Variants in NDUFS4 observed in about 807,000 individuals in gnomAD.
The protein encoded by NDUFS4 is NADH:ubiquinone oxidoreductase subunit S4, also known as NADH dehydrogenase [ubiquinone] iron-sulfur protein 4, mitochondrial.
A neutral mutation model predicts 24.3 loss-of-function variants in NDUFS4; 28 were observed. The ratio of observed to expected loss-of-function variants is 1.15; its 90% CI spans 0.85 to 1.58. NDUFS4 has a LOEUF of 1.58. NDUFS4 is among the 40% of genes most tolerant of loss of function. The probability of loss-of-function intolerance (pLI) is 0.00; values close to 1 mark genes in which losing one functional copy is unlikely to be tolerated. For missense variants in NDUFS4, 223 were observed against 207.9 expected, an observed-to-expected ratio of 1.07 and a Z score of -0.45; for synonymous variants, 93 against 69.7, an observed-to-expected ratio of 1.34 and a Z score of -1.67.
intron 4 of NDUFS4, among the ~76,000 whole-genome samples, chr5:53,675,659 T>C (rs1299270314): frequency 6.6e-6 from 1 of 152,228 alleles, no homozygotes; most frequent in Non-Finnish European, 1.5e-5. Context: ...GCTGTTCTTT[T>C]CTGAGGACAA....
intron 1 of NDUFS4, among the ~76,000 whole-genome samples, chr5:53,595,990 A>G (rs1365966106): frequency 6.6e-6 from 1 of 152,358 alleles, no homozygotes; most frequent in East Asian, 1.9e-4. Context: ...AATTACTGCA[A>G]AAACTTTAAG....
At chr5:53,578,632 TTTG>T (rs1749461711) in intron 1 of NDUFS4, among the ~76,000 whole-genome samples, 1 of 152,174 alleles carries the variant, frequency 6.6e-6, no homozygotes, top group Admixed American at 6.5e-5. Flanking sequence ...TACTTCCTGT[TTTG>T]TAAAGTATAT....
At chr5:53,596,268 A>T (rs964322512) in intron 1 of NDUFS4, among the ~76,000 whole-genome samples, 7 of 96,282 alleles carry the variant, frequency 7.3e-5, no homozygotes, top group African/African-American at 2.4e-4. Context: ...ATATCCCTAT[A>T]AAAAAAAACA....
rs1472386857 is a variant in NDUFS4, at chr5:53,658,399, CAACT to C, written c.351-148_351-145del. 66 of 583,540 alleles carry C rather than the reference CAACT, an allele frequency of 1.1e-4. No individual in the cohort carries two copies. In the African/African-American group the frequency reaches 1.2e-3, roughly 10 times the overall value. The allele number at this position is 583,540 out of a possible 1,614,324, so 36.1% of individuals were successfully genotyped here. ...AAATTTAACACAGAAAAAGGTATTC[CAACT>C]AACAGTTTTAAAGAAATTATTACAA... is the stretch of plus-strand genomic sequence containing the variant. On this transcript the variant is annotated intron_variant, in intron 3 of 4. Transcript: ENST00000296684.
At chr5:53,617,479 G>A (rs1489942118) in intron 2 of NDUFS4, among the ~76,000 whole-genome samples, 1 of 151,246 alleles carries the variant, frequency 6.6e-6, no homozygotes, top group Admixed American at 6.6e-5. Flanking sequence ...CTCTAGTTTT[G>A]GCTTTCTGAG....
chr5:53,683,269 G>T lies in NDUFS4; in HGVS notation c.*48G>T. The T allele has an allele frequency of 2.3e-6, 3 of 1,294,026 alleles. No homozygotes were observed. The highest frequency in any genetic ancestry group is 3.4e-6 in the Non-Finnish European group (3 of 888,710). The allele number at this position is 1,294,026 out of a possible 1,614,324, so 80.2% of individuals were successfully genotyped here. A position where few individuals can be genotyped will look rare whatever the true frequency, so the allele number is the denominator to read the frequency against. On this transcript the variant is annotated 3_prime_UTR_variant, in exon 5 of 5. Coordinates refer to ENST00000296684, the MANE Select transcript of NDUFS4 (RefSeq NM_002495.4). Reference sequence around the variant, plus strand: ...CTTGACTGTGAATAAAGTCAGCTGTGCAGTATTTATAGTCCATGTATAATA... The same window carrying T: ...CTTGACTGTGAATAAAGTCAGCTGTTCAGTATTTATAGTCCATGTATAATA...
At chr5:53,596,111 CTCAG>C (rs531186140) in intron 1 of NDUFS4, among the ~76,000 whole-genome samples, 114 of 152,154 alleles carry the variant, frequency 7.5e-4, no homozygotes, top group African/African-American at 2.6e-3. Flanking sequence ...TTTACTTTTA[CTCAG>C]TCTGTCTTTC....
At chr5:53,588,984 TA>T (rs528652243) in intron 1 of NDUFS4, among the ~76,000 whole-genome samples, 15,052 of 148,732 alleles carry the variant, frequency 0.1, 806 homozygotes, top group Non-Finnish European at 0.13. Context: ...ATAGCCATCT[TA>T]AAAAAAAAAA....
chr5:53,587,970 G>A (rs1749820219), intron 1 of NDUFS4, among the ~76,000 whole-genome samples: 1 of 152,154 alleles, frequency 6.6e-6, no homozygotes, highest in African/African-American at 2.4e-5. Context: ...ACTTGTTTAG[G>A]TTGAAGGTGC....
chr5:53,669,133 A>G (rs1752599432), intron 4 of NDUFS4, among the ~76,000 whole-genome samples: 2 of 152,176 alleles, frequency 1.3e-5, no homozygotes, highest in Non-Finnish European at 2.9e-5. Flanking sequence ...TTGGCCCTTT[A>G]CAGAAAATTT....
intron 1 of NDUFS4, among the ~76,000 whole-genome samples, chr5:53,599,430 T>G (rs2112452178): frequency 6.6e-6 from 1 of 152,312 alleles, no homozygotes; most frequent in African/African-American, 2.4e-5. Context: ...TTTTCTGTTT[T>G]TATATACTAA....
chr5:53,602,563 A>AT (rs1414864385), intron 1 of NDUFS4, among the ~76,000 whole-genome samples: 1 of 152,122 alleles, frequency 6.6e-6, no homozygotes, highest in African/African-American at 2.4e-5. Context: ...TGTATCAGTT[A>AT]TTTTTGTCAA....
intron 3 of NDUFS4, among the ~76,000 whole-genome samples, chr5:53,646,889 T>C (rs1751881689): frequency 6.6e-6 from 1 of 152,148 alleles, no homozygotes; most frequent in South Asian, 2.1e-4. Context: ...ATCATAGGTC[T>C]ATGTGTTTAG....
intron 2 of NDUFS4, among the ~76,000 whole-genome samples, chr5:53,620,306 A>G (rs1750994128): frequency 6.6e-6 from 1 of 152,136 alleles, no homozygotes; most frequent in Non-Finnish European, 1.5e-5. Flanking sequence ...AGCAAATTCT[A>G]CCTAATAGAT....
intron 1 of NDUFS4, among the ~76,000 whole-genome samples, chr5:53,569,742 C>G (rs1208515306): frequency 6.6e-6 from 1 of 152,174 alleles, no homozygotes; most frequent in Non-Finnish European, 1.5e-5. Context: ...ATCACTCATT[C>G]TTCCTTCAAG....
intron 3 of NDUFS4, among the ~76,000 whole-genome samples, chr5:53,646,962 C>G (rs1019050116): frequency 5.3e-5 from 8 of 151,910 alleles, no homozygotes; most frequent in African/African-American, 1.7e-4. Flanking sequence ...TGGAACTTGT[C>G]CCCCCTCAGA....
chr5:53,671,358 T>A (rs1411218340), intron 4 of NDUFS4, among the ~76,000 whole-genome samples: 1 of 151,942 alleles, frequency 6.6e-6, no homozygotes, highest in East Asian at 1.9e-4. Flanking sequence ...AATTGGGGAG[T>A]GGAAAAGAAG....
chr5:53,566,752 A>C (rs1470405838), intron 1 of NDUFS4, among the ~76,000 whole-genome samples: 2 of 152,122 alleles, frequency 1.3e-5, no homozygotes, highest in Non-Finnish European at 2.9e-5. Context: ...AATTCTCTGT[A>C]AATAACTGTT....
intron 2 of NDUFS4, among the ~76,000 whole-genome samples, chr5:53,633,874 C>T (rs889435143): frequency 6.6e-6 from 1 of 152,172 alleles, no homozygotes; most frequent in African/African-American, 2.4e-5. Flanking sequence ...TATATTCTCA[C>T]TTCACATTTA....
Sources: allele counts gnomAD v4.1 joint callset (sites outside exome capture counted in the v4.1 genomes callset), GRCh38; gene constraint gnomAD v4.1.1; transcripts MANE v1.5; gene names NCBI Gene and HGNC (gene_info 2026-07-23, HGNC 2026-07-21).